The following EFNA5 variants were observed in gnomAD, a reference collection of about 807,000 sequenced individuals.
EFNA5 encodes ephrin-A5.
In EFNA5, 5 loss-of-function variants were observed where a neutral mutation model predicts 22.9. That is an observed-to-expected ratio of 0.22 (90% CI 0.11 to 0.46). EFNA5 has a LOEUF of 0.46. EFNA5 is among the 20% of genes least tolerant of loss of function. The pLI, the probability that EFNA5 is intolerant of heterozygous loss-of-function variation, is 0.99. For synonymous variants in EFNA5, 113 were observed against 112.2 expected, an observed-to-expected ratio of 1.01 and a Z score of -0.04; for missense variants, 237 against 293.3, an observed-to-expected ratio of 0.81 and a Z score of 1.40.
intron 1 of EFNA5, among the ~76,000 whole-genome samples, chr5:107,663,016 T>C (rs996206983): frequency 3.0e-4 from 45 of 152,252 alleles, no homozygotes; most frequent in African/African-American, 1.0e-3. Context: ...ATATTATTAC[T>C]AAGTTAAAAC....
chr5:107,519,664 G>A (rs1034564089), intron 1 of EFNA5, among the ~76,000 whole-genome samples: 5 of 152,210 alleles, frequency 3.3e-5, no homozygotes, highest in African/African-American at 9.6e-5. Context: ...GATCCCCTTG[G>A]AAAGCACACA....
chr5:107,517,803 T>G (rs1281963681), intron 1 of EFNA5, among the ~76,000 whole-genome samples: 1 of 152,232 alleles, frequency 6.6e-6, no homozygotes, highest in Non-Finnish European at 1.5e-5. Context: ...AGAAACACAT[T>G]CTTAAGGATC....
intron 1 of EFNA5, among the ~76,000 whole-genome samples, chr5:107,571,113 C>A (rs1483879518): frequency 2.0e-5 from 3 of 152,070 alleles, no homozygotes; most frequent in Non-Finnish European, 4.4e-5. Context: ...GGGCCCAGGG[C>A]GGCAAGGGTT....
chr5:107,552,231 C>G (rs1748315189), intron 1 of EFNA5, among the ~76,000 whole-genome samples: 1 of 152,120 alleles, frequency 6.6e-6, no homozygotes, highest in African/African-American at 2.4e-5. Flanking sequence ...CTTCCACATA[C>G]TAGCTTTATG....
intron 1 of EFNA5, among the ~76,000 whole-genome samples, chr5:107,451,012 G>A (rs1420784548): frequency 6.6e-6 from 1 of 152,246 alleles, no homozygotes; most frequent in African/African-American, 2.4e-5. Context: ...TCTTTGCAAT[G>A]TCTAGAGGAC....
At chr5:107,472,631 T>C (rs527468725) in intron 1 of EFNA5, among the ~76,000 whole-genome samples, 2 of 152,194 alleles carry the variant, frequency 1.3e-5, no homozygotes, top group South Asian at 4.1e-4. Context: ...GGTGATGGGA[T>C]AGTGCCTCCC....
chr5:107,554,944 C>T (rs1748376395), intron 1 of EFNA5, among the ~76,000 whole-genome samples: 1 of 152,140 alleles, frequency 6.6e-6, no homozygotes, highest in African/African-American at 2.4e-5. Context: ...GAGAGGTTAC[C>T]ATGCTGTCTG....
intron 1 of EFNA5, among the ~76,000 whole-genome samples, chr5:107,649,158 G>A (rs138577683): frequency 3.9e-5 from 6 of 152,124 alleles, no homozygotes; most frequent in South Asian, 2.1e-4. Context: ...CTAAGAGATC[G>A]ACTAATTCAA....
chr5:107,430,836 G>T (rs1185103342), intron 1 of EFNA5, among the ~76,000 whole-genome samples: 1 of 145,086 alleles, frequency 6.9e-6, no homozygotes, highest in Non-Finnish European at 1.5e-5. Flanking sequence ...GAGTGCAGTG[G>T]TGTGATCTCG....
chr5:107,490,760 G>A (rs1468071956), intron 1 of EFNA5, among the ~76,000 whole-genome samples: 1 of 152,122 alleles, frequency 6.6e-6, no homozygotes, highest in Non-Finnish European at 1.5e-5. Flanking sequence ...GCCTTACAGC[G>A]GCTACTCAGA....
At position 107,399,318 on chromosome 5, in the gene EFNA5, C is replaced by CAGAAAGGAAA. The variant is rs1402282845; in HGVS notation, c.419-11548_419-11547insTTTCCTTTCT. Among the ~76,000 whole-genome samples the CAGAAAGGAAA allele has an allele frequency of 4.4e-3, 417 of 94,640 alleles. 3 individuals are homozygous for CAGAAAGGAAA. Among genetic ancestry groups the CAGAAAGGAAA allele is most frequent in the African/African-American group, 0.018 (389 of 22,016 alleles). The allele number at this position is 94,640 out of a possible 152,430, so 62.1% of individuals were successfully genotyped here. A position where few individuals can be genotyped will look rare whatever the true frequency, so the allele number is the denominator to read the frequency against. On this transcript the variant is annotated intron_variant, in intron 2 of 4. Coordinates refer to ENST00000333274, the MANE Select transcript of EFNA5 (RefSeq NM_001962.3). ...AGAAGGAAGGAAGGAAGGAAGGAAA[C>CAGAAAGGAAA]GGAAAGGAAAGGAAAGGAAAGGAAA... is the stretch of plus-strand genomic sequence containing the variant.
chr5:107,631,946 A>G (rs1750263422), intron 1 of EFNA5, among the ~76,000 whole-genome samples: 1 of 152,336 alleles, frequency 6.6e-6, no homozygotes, highest in East Asian at 1.9e-4. Flanking sequence ...CCAGCCACCC[A>G]AAAAGAAACC....
intron 1 of EFNA5, among the ~76,000 whole-genome samples, chr5:107,561,548 T>C (rs1047168669): frequency 1.3e-5 from 2 of 152,102 alleles, no homozygotes; most frequent in Non-Finnish European, 2.9e-5. Context: ...TTTTGTATTT[T>C]TAGTAAAGAT....
intron 1 of EFNA5, among the ~76,000 whole-genome samples, chr5:107,534,990 T>C (rs1038938889): frequency 3.3e-5 from 5 of 152,264 alleles, no homozygotes; most frequent in African/African-American, 1.2e-4. Flanking sequence ...TGACTTTCTA[T>C]ATTTTTGGTG....
At chr5:107,547,566 T>C (rs1748191658) in intron 1 of EFNA5, among the ~76,000 whole-genome samples, 1 of 151,850 alleles carries the variant, frequency 6.6e-6, no homozygotes, top group Non-Finnish European at 1.5e-5. Flanking sequence ...ATGAAACCAA[T>C]GCCTGTTGTG....
At chr5:107,613,351 G>A (rs1443211123) in intron 1 of EFNA5, among the ~76,000 whole-genome samples, 1 of 152,006 alleles carries the variant, frequency 6.6e-6, no homozygotes, top group Admixed American at 6.6e-5. Flanking sequence ...TGATATGTAA[G>A]TTATTAACTA....
intron 2 of EFNA5, among the ~76,000 whole-genome samples, chr5:107,399,797 C>A (rs1253965890): frequency 6.6e-6 from 1 of 152,136 alleles, no homozygotes; most frequent in East Asian, 1.9e-4. Context: ...GAATCAAAAC[C>A]ATAGAACGAG....
At chr5:107,598,592 A>G (rs182369420) in intron 1 of EFNA5, among the ~76,000 whole-genome samples, 1 of 152,224 alleles carries the variant, frequency 6.6e-6, no homozygotes, top group African/African-American at 2.4e-5. Flanking sequence ...TTGGAAGGCT[A>G]TGTACCCACA....
chr5:107,495,221 C>T (rs1746943364), intron 1 of EFNA5, among the ~76,000 whole-genome samples: 1 of 152,122 alleles, frequency 6.6e-6, no homozygotes, highest in South Asian at 2.1e-4. Flanking sequence ...TAACACTCAC[C>T]ATGAAGATCT....
Sources: gnomAD v4.1 joint callset for allele counts (sites outside exome capture counted in the v4.1 genomes callset) on GRCh38, gnomAD v4.1.1 for gene constraint, MANE v1.5 for transcripts, NCBI Gene and HGNC (gene_info 2026-07-23, HGNC 2026-07-21) for gene names.